Variants in LRRC37A2 observed in about 807,000 individuals in gnomAD.
The protein encoded by LRRC37A2 is leucine-rich repeat-containing protein 37A2.
A neutral mutation model predicts 68.8 loss-of-function variants in LRRC37A2; 9 were observed. The observed-to-expected ratio is 0.13, with a 90% CI of 0.08 to 0.23. The LOEUF (loss-of-function observed/expected upper bound fraction) is 0.23. Among genes scored for constraint, LRRC37A2 ranks in the 10% least tolerant of loss-of-function variants. The pLI, the probability that LRRC37A2 is intolerant of heterozygous loss-of-function variation, is 1.00. For synonymous variants in LRRC37A2, 63 were observed against 367.6 expected (o/e 0.17, Z 9.48); for missense variants, 168 against 950.4 (o/e 0.18, Z 10.82).
chr17:46,974,265 A>G, the LRRC37A2 span, among the ~76,000 whole-genome samples: 1 of 152,232 alleles, frequency 6.6e-6, no homozygotes, highest in Non-Finnish European at 1.5e-5. Context: ...TAGGTCTGCC[A>G]TCCGTTGCTC....
chr17:47,022,166 C>CTTTTTTTTTTTTT, the LRRC37A2 span, among the ~76,000 whole-genome samples: 85 of 15,832 alleles, frequency 5.4e-3, 30 homozygotes, highest in Middle Eastern at 0.071. Context: ...CCTTTTTGTT[C>CTTTTTTTTTTTTT]TCTTTTTTTT....
At chr17:47,020,550 T>C in the LRRC37A2 span, among the ~76,000 whole-genome samples, 8 of 150,260 alleles carry the variant, frequency 5.3e-5, no homozygotes, top group Non-Finnish European at 1.0e-4. Context: ...GAGGCCGAGG[T>C]GGGCGGATCA....
chr17:46,860,730 G>A, the LRRC37A2 span, among the ~76,000 whole-genome samples: 1 of 152,180 alleles, frequency 6.6e-6, no homozygotes, highest in Non-Finnish European at 1.5e-5. Context: ...CTGTATCCCA[G>A]CCACTGTACA....
the LRRC37A2 span, among the ~76,000 whole-genome samples, chr17:46,709,875 T>C: frequency 6.6e-6 from 1 of 152,166 alleles, no homozygotes. Context: ...GAATTTGCCA[T>C]ATCTAGGCCA....
At chr17:47,030,878 A>T in the LRRC37A2 span, among the ~76,000 whole-genome samples, 1 of 152,184 alleles carries the variant, frequency 6.6e-6, no homozygotes, top group South Asian at 2.1e-4. Flanking sequence ...TTTGTAAAAA[A>T]CAAACAAAAA....
At chr17:46,724,041 C>T in the LRRC37A2 span, among the ~76,000 whole-genome samples, 2 of 152,196 alleles carry the variant, frequency 1.3e-5, no homozygotes, top group African/African-American at 4.8e-5. Context: ...GACACCAACA[C>T]CACTTTATTT....
At chr17:46,823,084 T>C in the LRRC37A2 span, among the ~76,000 whole-genome samples, 2 of 135,264 alleles carry the variant, frequency 1.5e-5, no homozygotes, top group Admixed American at 8.4e-5. Flanking sequence ...GTATTTATAA[T>C]AAATATGTAT....
chr17:46,837,200 C>A, the LRRC37A2 span, among the ~76,000 whole-genome samples: 1 of 152,176 alleles, frequency 6.6e-6, no homozygotes, highest in Admixed American at 6.5e-5. Context: ...CGCGGCCCCC[C>A]AAAGTGCTGG....
At chr17:46,772,293 G>C in the LRRC37A2 span, among the ~76,000 whole-genome samples, 1 of 152,372 alleles carries the variant, frequency 6.6e-6, no homozygotes, top group East Asian at 1.9e-4. Flanking sequence ...GGGCCATCTA[G>C]GGACCGGGGC....
At chr17:46,407,888 AAG>A in the LRRC37A2 span, among the ~76,000 whole-genome samples, 1 of 65,414 alleles carries the variant, frequency 1.5e-5, no homozygotes, top group South Asian at 8.3e-4. Flanking sequence ...GCTTCAGAGT[AAG>A]AGGCTGTACT....
the LRRC37A2 span, chr17:46,872,464 C>T: frequency 4.9e-6 from 7 of 1,435,344 alleles, no homozygotes; most frequent in East Asian, 5.1e-5. Flanking sequence ...CTTCATTTGC[C>T]CCTCACCACC....
chr17:46,691,674 C>T, the LRRC37A2 span, among the ~76,000 whole-genome samples: 8 of 151,864 alleles, frequency 5.3e-5, no homozygotes, highest in Middle Eastern at 6.8e-3. Context: ...TCCTCAGTCT[C>T]ATTATGCTCA....
chr17:46,741,616 G>A, the LRRC37A2 span, among the ~76,000 whole-genome samples: 24 of 152,108 alleles, frequency 1.6e-4, no homozygotes, highest in African/African-American at 5.8e-4. Context: ...AAAAGTTACA[G>A]GCATTTAAAC....
At chr17:46,813,011 G>A in the LRRC37A2 span, among the ~76,000 whole-genome samples, 1 of 152,162 alleles carries the variant, frequency 6.6e-6, no homozygotes, top group Non-Finnish European at 1.5e-5. Flanking sequence ...AAAGCCAGAT[G>A]TGAATGCAGA....
At chr17:46,842,226 G>T in the LRRC37A2 span, among the ~76,000 whole-genome samples, 1 of 152,232 alleles carries the variant, frequency 6.6e-6, no homozygotes, top group Non-Finnish European at 1.5e-5. Flanking sequence ...CGCAAACTGG[G>T]TTGTGTGAGG....
intron 11 of LRRC37A2, 89 bp from the exon 11 acceptor site, chr17:46,553,311 G>C: frequency 1.9e-6 from 3 of 1,602,192 alleles, no homozygotes; most frequent in Non-Finnish European, 2.5e-6. Flanking sequence ...AGGTAGATGA[G>C]ACTTATAATG....
the LRRC37A2 span, among the ~76,000 whole-genome samples, chr17:46,490,797 G>C: frequency 3.4e-5 from 5 of 148,720 alleles, no homozygotes; most frequent in African/African-American, 7.6e-5. Flanking sequence ...AGAAAATTTA[G>C]AAAACCCAGA....
the LRRC37A2 span, among the ~76,000 whole-genome samples, chr17:46,703,680 C>CAAA: frequency 9.6e-4 from 36 of 37,626 alleles, no homozygotes; most frequent in Admixed American, 2.3e-3. Context: ...GACTCCGTCT[C>CAAA]AAAAAAAAAA....
At chr17:46,893,067 G>A in the LRRC37A2 span, among the ~76,000 whole-genome samples, 70 of 152,098 alleles carry the variant, frequency 4.6e-4, no homozygotes, top group African/African-American at 1.5e-3. Context: ...CTGGGTAGCC[G>A]GGATTACAGA....
Sources: gnomAD v4.1 joint callset for allele counts (sites outside exome capture counted in the v4.1 genomes callset) on GRCh38, gnomAD v4.1.1 for gene constraint, MANE v1.5 for transcripts, NCBI Gene and HGNC (gene_info 2026-07-23, HGNC 2026-07-21) for gene names.